ATP6V1H: variants seen among roughly 807,000 people sequenced by gnomAD.
The protein encoded by ATP6V1H is V-type proton ATPase subunit H.
In ATP6V1H, 39 loss-of-function variants were observed where a neutral mutation model predicts 71.7. The observed-to-expected ratio is 0.54, with a 90% CI of 0.42 to 0.71. The LOEUF (loss-of-function observed/expected upper bound fraction) is 0.71, where lower values mean the gene tolerates loss of function less well. ATP6V1H is among the 30% of genes least tolerant of loss of function. The pLI is 0.00. For missense variants in ATP6V1H, 509 were observed against 594.9 expected (o/e 0.86, Z 1.50); for synonymous variants, 192 against 199.3 (o/e 0.96, Z 0.31).
At chr8:53,822,397 A>G (rs530805819) in intron 4 of ATP6V1H, among the ~76,000 whole-genome samples, 1 of 152,252 alleles carries the variant, frequency 6.6e-6, no homozygotes, top group East Asian at 1.9e-4. Context: ...AAAAAATGAG[A>G]AGAGAGGAAA....
intron 8 of ATP6V1H, among the ~76,000 whole-genome samples, chr8:53,799,495 A>G (rs1809842815): frequency 6.6e-6 from 1 of 152,198 alleles, no homozygotes; most frequent in African/African-American, 2.4e-5. Context: ...TTAACAGCAA[A>G]GTCCTAAGGC....
intron 12 of ATP6V1H, among the ~76,000 whole-genome samples, chr8:53,754,008 C>T (rs1807902104): frequency 6.6e-6 from 1 of 152,122 alleles, no homozygotes; most frequent in East Asian, 1.9e-4. Context: ...TCCCCCAAGC[C>T]TCAATTTCCA....
In ATP6V1H at chr8:53,795,712, G is replaced by A. The variant is rs1809705390; in HGVS notation, c.805C>T (p.Leu269=). 1 of 1,613,882 alleles carries A rather than the reference G, an allele frequency of 6.2e-7. No individual in the cohort carries two copies. The highest frequency in any genetic ancestry group is 1.3e-5 in the African/African-American group (1 of 75,034). Residue 269 remains leucine (L), a synonymous_variant, in exon 9 of 14, where the codon CTG becomes TTG. Coordinates refer to ENST00000359530, the MANE Select transcript of ATP6V1H (RefSeq NM_015941.4). ...ACAGACTCCTGAAGGATATCAGACA[G>A]AACTGGAATGATATTATAGCGCCGC... ...HLRRYNIIPV[L]SDILQESVKE...
intron 9 of ATP6V1H, among the ~76,000 whole-genome samples, chr8:53,780,587 A>T (rs1171686535): frequency 2.0e-5 from 3 of 152,052 alleles, no homozygotes; most frequent in Non-Finnish European, 4.4e-5. Flanking sequence ...CATGTGCACA[A>T]CGTGCAGGTG....
chr8:53,749,540 G>C (rs1807721770), intron 12 of ATP6V1H, among the ~76,000 whole-genome samples: 1 of 152,130 alleles, frequency 6.6e-6, no homozygotes, highest in African/African-American at 2.4e-5. Flanking sequence ...TGCTTCCCCA[G>C]TCTCTCGTTC....
chr8:53,723,181 T>C (rs948458249), intron 13 of ATP6V1H, among the ~76,000 whole-genome samples: 1 of 151,382 alleles, frequency 6.6e-6, no homozygotes, highest in African/African-American at 2.4e-5. Flanking sequence ...GTGACAGAGG[T>C]TTTTAATTTG....
chr8:53,808,669 T>G (rs1810172001), intron 7 of ATP6V1H, among the ~76,000 whole-genome samples: 1 of 151,602 alleles, frequency 6.6e-6, no homozygotes, highest in South Asian at 2.1e-4. Context: ...ACTGGTGGGA[T>G]GGGGGTCAGA....
chr8:53,719,201 C>T (rs1462886784), intron 13 of ATP6V1H, among the ~76,000 whole-genome samples: 2 of 152,064 alleles, frequency 1.3e-5, no homozygotes, highest in African/African-American at 4.8e-5. Flanking sequence ...GACTGAGTCT[C>T]ACTTTATTGC....
At chr8:53,749,518 G>A (rs549730096) in intron 12 of ATP6V1H, among the ~76,000 whole-genome samples, 1 of 152,276 alleles carries the variant, frequency 6.6e-6, no homozygotes, top group Non-Finnish European at 1.5e-5. Context: ...TCCTCATGGA[G>A]CTGGCTATCC....
At chr8:53,732,316 A>G (rs1036775716) in intron 13 of ATP6V1H, among the ~76,000 whole-genome samples, 1 of 152,238 alleles carries the variant, frequency 6.6e-6, no homozygotes, top group African/African-American at 2.4e-5. Context: ...GTTAAAAAAT[A>G]TACATATACA....
chr8:53,801,842 T>C lies in ATP6V1H; in HGVS notation c.634A>G (p.Asn212Asp), dbSNP rs1396383870. Residue 212 changes from asparagine to aspartate, a missense_variant, in exon 8 of 14, where the codon AAT becomes GAT. Physicochemically the swap from Asn to Asp is conservative, Grantham distance 23. This residue lies in a region of ATP6V1H where 297 missense variants were observed against 303.3 expected (regional missense o/e 0.98). Transcript: ENST00000359530. Reference sequence around the variant, plus strand: ...TCCACCCAAGCAAAGCGGTACTCATTGACCCGGAGCATCAGCTGCAAACAC... The same window carrying C: ...TCCACCCAAGCAAAGCGGTACTCATCGACCCGGAGCATCAGCTGCAAACAC... ...AGCLQLMLRVNEYRFAWVEAD... is the reference protein window; with the variant it reads ...AGCLQLMLRVDEYRFAWVEAD... 6.2e-7 allele frequency: 1 copy of C among 1,613,928 alleles called. No homozygotes were observed. Among genetic ancestry groups the C allele is most frequent in the African/African-American group, 1.3e-5 (1 of 74,892 alleles).
chr8:53,810,554 A>T (rs949524297), intron 7 of ATP6V1H, among the ~76,000 whole-genome samples: 6 of 152,154 alleles, frequency 3.9e-5, no homozygotes, highest in African/African-American at 1.4e-4. Context: ...ATTCTGGCCA[A>T]CTTGGTGAAA....
At chr8:53,741,553 C>T (rs1369639484) in intron 13 of ATP6V1H, among the ~76,000 whole-genome samples, 1 of 152,120 alleles carries the variant, frequency 6.6e-6, no homozygotes, top group East Asian at 1.9e-4. Context: ...TGCCAACATC[C>T]TTTAAATTAA....
Position 53,756,000 on chromosome 8 carries a change from G to A in ATP6V1H, c.1277+555C>T, listed in dbSNP as rs796200919. Among the ~76,000 whole-genome samples, 238 of 142,766 alleles carry A rather than the reference G, an allele frequency of 1.7e-3. 3 individuals carry two copies. The highest frequency in any genetic ancestry group is 5.7e-3 in the African/African-American group (220 of 38,668). The allele number at this position is 142,766 out of a possible 152,430, so 93.7% of individuals were successfully genotyped here. On this transcript the variant is annotated intron_variant, in intron 12 of 13. Coordinates refer to ENST00000359530, the MANE Select transcript of ATP6V1H (RefSeq NM_015941.4). ...TCTCGATCTCCTGACCTTGTGATCCGCCCGCCTCGGCCTCCCAAAGTGCTG... is the reference window on the plus strand; with the variant it reads ...TCTCGATCTCCTGACCTTGTGATCCACCCGCCTCGGCCTCCCAAAGTGCTG...
rs148466211 is a variant in ATP6V1H at position 53,756,796 on chromosome 8, G to C, written c.1176-140C>G. 611 of 551,864 alleles carry C rather than the reference G, an allele frequency of 1.1e-3. 8 individuals are homozygous for C. In the East Asian group the frequency reaches 0.017, roughly 15 times the overall value. The allele number at this position is 551,864 out of a possible 1,614,324, so 34.2% of individuals were successfully genotyped here. A position where few individuals can be genotyped will look rare whatever the true frequency, so the allele number is the denominator to read the frequency against. ...TATTCTTCTAAGGATTTCACTATTA[G>C]ACATAAGTTTGCAGTTTTCAAACCT... On this transcript the variant is annotated intron_variant, in intron 11 of 13. Coordinates refer to ENST00000359530, the MANE Select transcript of ATP6V1H (RefSeq NM_015941.4).
chr8:53,745,887 TG>T (rs1807585768), intron 12 of ATP6V1H, among the ~76,000 whole-genome samples: 1 of 152,220 alleles, frequency 6.6e-6, no homozygotes, highest in Admixed American at 6.5e-5. Context: ...CACATGTCCA[TG>T]GATAACTACA....
At chr8:53,745,261 C>T (rs1178062336) in intron 12 of ATP6V1H, among the ~76,000 whole-genome samples, 1 of 152,048 alleles carries the variant, frequency 6.6e-6, no homozygotes, top group East Asian at 1.9e-4. Flanking sequence ...ATTAGCCAGG[C>T]ATGGTGGTGT....
Position 53,743,604 on chromosome 8 carries a change from G to A in ATP6V1H, c.1364C>T (p.Ala455Val). 1 of 1,613,838 alleles carries A rather than the reference G, an allele frequency of 6.2e-7. No individual in the cohort carries two copies. Among genetic ancestry groups the A allele is most frequent in the Non-Finnish European group, 8.5e-7 (1 of 1,179,904 alleles). ...DQQVRYNALL[A>V]VQKLMVHNWE... ...GTTGTGCACCATGAGCTTCTGCACG[G>A]CCAGCAGAGCATTATAGCGGACCTG... The change falls in exon 13 of 14, where the codon GCC becomes GTC. Residue 455 changes from alanine (A) to valine (V), a missense_variant. Coordinates refer to ENST00000359530, the MANE Select transcript of ATP6V1H (RefSeq NM_015941.4).
At chr8:53,735,262 C>T (rs149046094) in intron 13 of ATP6V1H, among the ~76,000 whole-genome samples, 351 of 152,294 alleles carry the variant, frequency 2.3e-3, no homozygotes, top group African/African-American at 7.5e-3. Flanking sequence ...TGAAAAAGCT[C>T]GTAAAGTAAC....
Sources: allele counts gnomAD v4.1 joint callset (sites outside exome capture counted in the v4.1 genomes callset), GRCh38; gene constraint gnomAD v4.1.1; regional missense constraint gnomAD v4.1.1; transcripts MANE v1.5; gene names NCBI Gene and HGNC (gene_info 2026-07-23, HGNC 2026-07-21).